Variants in CCDC85A observed in about 807,000 individuals in gnomAD.
The protein encoded by CCDC85A is coiled-coil domain-containing protein 85A.
In CCDC85A, 38 loss-of-function variants were observed where a neutral mutation model predicts 50.2. The observed-to-expected ratio is 0.76, with a 90% CI of 0.58 to 0.99. The LOEUF is 0.99. Ranked by LOEUF, CCDC85A falls within the 50% of genes least tolerant of loss-of-function variation. The probability of loss-of-function intolerance (pLI) is 0.00; values close to 1 mark genes in which losing one functional copy is unlikely to be tolerated. For missense variants in CCDC85A, 820 were observed against 742.0 expected, an observed-to-expected ratio of 1.11 and a Z score of -1.22; for synonymous variants, 366 against 301.4, an observed-to-expected ratio of 1.21 and a Z score of -2.22.
chr2:56,386,092 T>A lies in CCDC85A; in HGVS notation c.*1737T>A, dbSNP rs564442277. 1 of 152,332 alleles carries A rather than the reference T, an allele frequency of 6.6e-6. No homozygotes were observed. The highest frequency in any genetic ancestry group is 2.1e-4 in the South Asian group (1 of 4,818). 9.4% of individuals were successfully genotyped at this position (152,332 alleles called of 1,614,324 possible). A position where few individuals can be genotyped will look rare whatever the true frequency, so the allele number is the denominator to read the frequency against. ...GTAAATTTTGATACTGTATTAAAAC[T>A]ATTTTTTTAAAGTTCTGCATAAAAT... is the stretch of plus-strand genomic sequence containing the variant. On this transcript the variant is annotated 3_prime_UTR_variant, in exon 6 of 6. Coordinates refer to ENST00000407595, the MANE Select transcript of CCDC85A (RefSeq NM_001080433.2).
chr2:56,292,208 G>A (rs1416105048), intron 2 of CCDC85A, among the ~76,000 whole-genome samples: 3 of 151,918 alleles, frequency 2.0e-5, no homozygotes, highest in Non-Finnish European at 4.4e-5. Flanking sequence ...TCAGCCTCCC[G>A]AGTAGCTGGG....
intron 2 of CCDC85A, among the ~76,000 whole-genome samples, chr2:56,261,880 C>T (rs1670233102): frequency 1.3e-5 from 2 of 152,152 alleles, no homozygotes; most frequent in Non-Finnish European, 2.9e-5. Flanking sequence ...CTTTAGCTCT[C>T]AACTGCCCAG....
intron 2 of CCDC85A, among the ~76,000 whole-genome samples, chr2:56,195,925 C>T (rs891651626): frequency 1.3e-5 from 2 of 152,092 alleles, no homozygotes; most frequent in Non-Finnish European, 2.9e-5. Context: ...ATTGTCCTAC[C>T]TGTAAAGATA....
At chr2:56,208,895 C>T (rs1677065052) in intron 2 of CCDC85A, among the ~76,000 whole-genome samples, 1 of 151,966 alleles carries the variant, frequency 6.6e-6, no homozygotes, top group Non-Finnish European at 1.5e-5. Context: ...CTTGGTACCC[C>T]ACAGCAGACC....
At chr2:56,187,878 T>C (rs1276402184) in intron 1 of CCDC85A, among the ~76,000 whole-genome samples, 1 of 152,328 alleles carries the variant, frequency 6.6e-6, no homozygotes, top group Middle Eastern at 3.4e-3. Context: ...AGTATCCCAG[T>C]TGGGGGCTGA....
At chr2:56,306,542 G>GA (rs1672455812) in intron 2 of CCDC85A, among the ~76,000 whole-genome samples, 1 of 151,904 alleles carries the variant, frequency 6.6e-6, no homozygotes. Flanking sequence ...CCAAATGTCA[G>GA]AAAAAAATGG....
rs371811244 is a variant in CCDC85A, at chr2:56,343,818, A to G, written c.1317+863A>G. 1.1e-3 allele frequency among the ~76,000 whole-genome samples: 161 copies of G among 152,352 alleles called. 1 individual carries two copies. Among genetic ancestry groups the G allele is most frequent in the African/African-American group, 3.3e-3 (138 of 41,590 alleles). ...ATACCTCAAACAACTAGTAAGCAGT[A>G]GTTTAAATAAAAGGTCAAAGACTAA... On this transcript the variant is annotated intron_variant, in intron 3 of 5. Transcript: ENST00000407595.
chr2:56,264,366 CTGTCT>C (rs975129259), intron 2 of CCDC85A, among the ~76,000 whole-genome samples: 10 of 152,168 alleles, frequency 6.6e-5, no homozygotes, highest in Non-Finnish European at 1.0e-4. Flanking sequence ...GCTGCCTGCC[CTGTCT>C]TAACTAAATG....
At chr2:56,367,741 A>G (rs1011112117) in intron 3 of CCDC85A, among the ~76,000 whole-genome samples, 10 of 152,276 alleles carry the variant, frequency 6.6e-5, no homozygotes, top group African/African-American at 2.4e-4. Flanking sequence ...TCAATAATAA[A>G]CATTCGGACA....
chr2:56,383,997 C>T (rs930973765), intron 5 of CCDC85A, among the ~76,000 whole-genome samples: 11 of 151,754 alleles, frequency 7.2e-5, no homozygotes, highest in Admixed American at 1.3e-4. Context: ...AGTTGGGGAC[C>T]ACTTACGTAA....
intron 2 of CCDC85A, among the ~76,000 whole-genome samples, chr2:56,237,340 T>C (rs1300549910): frequency 6.6e-6 from 1 of 152,176 alleles, no homozygotes; most frequent in African/African-American, 2.4e-5. Flanking sequence ...GCCCAGCTCA[T>C]TTGGTTGGGA....
intron 2 of CCDC85A, among the ~76,000 whole-genome samples, chr2:56,305,333 T>A (rs1672395284): frequency 6.6e-6 from 1 of 152,192 alleles, no homozygotes; most frequent in African/African-American, 2.4e-5. Context: ...AGGTAAGTAT[T>A]ATTTATTATC....
intron 5 of CCDC85A, among the ~76,000 whole-genome samples, chr2:56,377,278 T>C (rs1676380412): frequency 6.6e-6 from 1 of 152,202 alleles, no homozygotes. Context: ...GACTGTTGAA[T>C]ATCTTGTTCT....
chr2:56,193,377 C>T lies in CCDC85A; in HGVS notation c.1177C>T (p.Leu393Phe). 6.2e-7 allele frequency: 1 copy of T among 1,611,288 alleles called. No individual in the cohort carries two copies. The highest frequency in any genetic ancestry group is 8.5e-7 in the Non-Finnish European group (1 of 1,178,704). ...CGGCGGAGGCAGCAGGGAGGGCACC[C>T]TCAGACGGCAGGCACAGGAGGACGG... The part of the protein sequence containing the change: ...GSGGGSREGT[L>F]RRQAQEDGSP... The change falls in exon 2 of 6, where the codon CTC becomes TTC. Residue 393 changes from leucine to phenylalanine, a missense_variant. Transcript: ENST00000407595.
At chr2:56,283,428 G>C (rs1015664026) in intron 2 of CCDC85A, among the ~76,000 whole-genome samples, 1 of 152,076 alleles carries the variant, frequency 6.6e-6, no homozygotes, top group Non-Finnish European at 1.5e-5. Context: ...CACTTTGACT[G>C]TTCAAACTTA....
chr2:56,383,214 A>G (rs1328996646), intron 5 of CCDC85A, among the ~76,000 whole-genome samples: 2 of 152,014 alleles, frequency 1.3e-5, no homozygotes, highest in Non-Finnish European at 2.9e-5. Context: ...GTTTCCCTGT[A>G]GTATCCACTT....
Position 56,375,835 on chromosome 2 carries a change from C to A in CCDC85A, c.1472C>A (p.Ser491Ter). 3.7e-6 allele frequency: 6 copies of A among 1,613,580 alleles called. No individual in the cohort carries two copies. Among genetic ancestry groups the A allele is most frequent in the Non-Finnish European group, 5.1e-6 (6 of 1,179,712 alleles). Reference protein sequence around the residue: ...PTLPGSFRLSSGADGSNSSPN... With the variant: ...PTLPGSFRLS Reference sequence around the variant, plus strand: ...ACTAAGGGTTCTTTTAGGTTGTCATCAGGGGCTGATGGGAGTAACAGTTCA... The same window carrying A: ...ACTAAGGGTTCTTTTAGGTTGTCATAAGGGGCTGATGGGAGTAACAGTTCA... Residue 491 changes from serine to a stop codon, truncating the protein, a stop_gained, in exon 5 of 6, where the codon TCA (serine) becomes TAA (stop). Coordinates refer to ENST00000407595, the MANE Select transcript of CCDC85A (RefSeq NM_001080433.2). LOFTEE classifies it high-confidence loss of function.
intron 5 of CCDC85A, among the ~76,000 whole-genome samples, chr2:56,379,166 A>C (rs926862640): frequency 2.6e-5 from 4 of 152,182 alleles, no homozygotes; most frequent in Non-Finnish European, 4.4e-5. Context: ...TATTTTCACT[A>C]TAAGGAGCCA....
At chr2:56,233,054 G>A (rs371119273) in intron 2 of CCDC85A, among the ~76,000 whole-genome samples, 7 of 152,118 alleles carry the variant, frequency 4.6e-5, no homozygotes, top group Admixed American at 6.5e-5. Flanking sequence ...GCCTGTCTGC[G>A]TTAGGTAGTG....
Sources: allele counts gnomAD v4.1 joint callset (sites outside exome capture counted in the v4.1 genomes callset), GRCh38; gene constraint gnomAD v4.1.1; transcripts MANE v1.5; gene names NCBI Gene and HGNC (gene_info 2026-07-23, HGNC 2026-07-21).